The following AGPAT3 variants were observed in gnomAD, a reference collection of about 807,000 sequenced individuals.
AGPAT3 encodes 1-acyl-sn-glycerol-3-phosphate acyltransferase gamma.
A neutral mutation model predicts 47.3 loss-of-function variants in AGPAT3; 5 were observed. The ratio of observed to expected loss-of-function variants is 0.11; its 90% CI spans 0.06 to 0.22. The LOEUF (loss-of-function observed/expected upper bound fraction) is 0.22, where lower values mean the gene tolerates loss of function less well. Ranked by LOEUF, AGPAT3 falls within the 10% of genes least tolerant of loss-of-function variation. The pLI is 1.00. For synonymous variants in AGPAT3, 212 were observed against 208.3 expected, an observed-to-expected ratio of 1.02 and a Z score of -0.15; for missense variants, 315 against 493.0, an observed-to-expected ratio of 0.64 and a Z score of 3.42.
chr21:43,894,217 C>CTTTTTTTTTTT (rs11370715), intron 1 of AGPAT3, among the ~76,000 whole-genome samples: 1 of 140,230 alleles, frequency 7.1e-6, no homozygotes, highest in Non-Finnish European at 1.5e-5. Flanking sequence ...TTCTTTCTTT[C>CTTTTTTTTTTT]TTTTTTTTTT....
In AGPAT3 at chr21:43,969,204, G is replaced by T; in HGVS notation, c.435G>T (p.Lys145Asn). 1 of 1,614,250 alleles carries T rather than the reference G, an allele frequency of 6.2e-7. No individual in the cohort carries two copies. Among genetic ancestry groups the T allele is most frequent in the Non-Finnish European group, 8.5e-7 (1 of 1,180,040 alleles). ...TWYFLEIVFC[K>N]RKWEEDRDTV... ...ACTTTCTGGAGATTGTGTTCTGCAA[G>T]CGGAAGTGGGAGGAGGACCGGGACA... Residue 145 changes from lysine to asparagine, a missense_variant, in exon 5 of 10, where the codon AAG becomes AAT. Coordinates refer to ENST00000291572, the MANE Select transcript of AGPAT3 (RefSeq NM_020132.5).
chr21:43,928,754 C>T (rs1243827134), intron 2 of AGPAT3, among the ~76,000 whole-genome samples: 3 of 152,220 alleles, frequency 2.0e-5, no homozygotes, highest in African/African-American at 7.2e-5. Context: ...CTGGAGACGT[C>T]ATCGGATTTA....
Position 43,982,586 on chromosome 21 carries a change from A to G in AGPAT3, c.*194A>G. ...TGAAGTCTTCAGCCTCCCACAGCGCAGGGTCCCAGCATCTCCACGCGCGCC... is the reference window on the plus strand; with the variant it reads ...TGAAGTCTTCAGCCTCCCACAGCGCGGGGTCCCAGCATCTCCACGCGCGCC... On this transcript the variant is annotated 3_prime_UTR_variant, in exon 10 of 10. Coordinates refer to ENST00000291572, the MANE Select transcript of AGPAT3 (RefSeq NM_020132.5). This position sits in a 1 kb window ranked among gnomAD's most constrained non-coding sequence, Gnocchi z 6.2. The G allele has an allele frequency of 2.0e-6, 1 of 506,300 alleles. No homozygotes were observed. The highest frequency in any genetic ancestry group is 3.5e-6 in the Non-Finnish European group (1 of 283,614). The allele number at this position is 506,300 out of a possible 1,614,324, so 31.4% of individuals were successfully genotyped here.
At chr21:43,958,888 T>TTTGCA (rs2088642058) in intron 2 of AGPAT3, among the ~76,000 whole-genome samples, 1 of 130,518 alleles carries the variant, frequency 7.7e-6, no homozygotes, top group African/African-American at 3.0e-5. Flanking sequence ...GTGTGTATGG[T>TTTGCA]GTGTGTGTGG....
Position 43,955,967 on chromosome 21 carries a change from G to A in AGPAT3, c.-48-3667G>A, listed in dbSNP as rs2088437435. On this transcript the variant is annotated intron_variant, in intron 2 of 9. Coordinates refer to ENST00000291572, the MANE Select transcript of AGPAT3 (RefSeq NM_020132.5). This position sits in a 1 kb window ranked among gnomAD's most constrained non-coding sequence, Gnocchi z 4.1. The stretch of plus-strand genomic sequence containing the variant: ...GCAACGGAATCAGCAGGTCTGCTGT[G>A]GAGCCCGGGCATCTGCTTCTCGGAG... Among the ~76,000 whole-genome samples, 2 of 152,036 alleles carry A rather than the reference G, an allele frequency of 1.3e-5. No individual in the cohort carries two copies. The highest frequency in any genetic ancestry group is 1.3e-4 in the Admixed American group (2 of 15,268).
chr21:43,939,652 C>T lies in AGPAT3; in HGVS notation c.-48-19982C>T, dbSNP rs2087585916. ...CTGTTGAGCCCACAGCCATGCCCCA[C>T]ATGCAGGACGTTTGCCTATCACTTG... On this transcript the variant is annotated intron_variant, in intron 2 of 9. Transcript: ENST00000291572. This position sits in a 1 kb window ranked among gnomAD's most constrained non-coding sequence, Gnocchi z 4.4. Among the ~76,000 whole-genome samples the T allele has an allele frequency of 6.6e-6, 1 of 152,204 alleles. No homozygotes were observed. The highest frequency in any genetic ancestry group is 6.5e-5 in the Admixed American group (1 of 15,288).
intron 1 of AGPAT3, among the ~76,000 whole-genome samples, chr21:43,891,551 T>G (rs1198541412): frequency 6.6e-6 from 1 of 151,252 alleles, no homozygotes; most frequent in Admixed American, 6.6e-5. Context: ...GAGAATGGCG[T>G]GAACCCGGGA....
At chr21:43,901,037 C>T (rs1019409773) in intron 1 of AGPAT3, among the ~76,000 whole-genome samples, 2 of 152,140 alleles carry the variant, frequency 1.3e-5, no homozygotes, top group African/African-American at 2.4e-5. Context: ...CACTGTAGCC[C>T]CCACCTGCAA....
At chr21:43,966,250 T>C (rs1411488163) in intron 3 of AGPAT3, 1 of 152,314 alleles carries the variant, frequency 6.6e-6, no homozygotes, top group Non-Finnish European at 1.5e-5. Context: ...AGAACACTCA[T>C]GGGGAGTGTG....
At position 43,904,039 on chromosome 21, in the gene AGPAT3, G is replaced by GC. The variant is rs1051299615; in HGVS notation, c.-49+22dup. On this transcript the variant is annotated intron_variant, in intron 2 of 9. Coordinates refer to ENST00000291572, the MANE Select transcript of AGPAT3 (RefSeq NM_020132.5). ...GCCTTGGTAAGTGGGCAGTGAGGCC[G>GC]CCTGACGCAGGGCGCCGTGTGTGAG... 3 of 151,954 alleles carry GC rather than the reference G, an allele frequency of 2.0e-5. No homozygotes were observed. Among genetic ancestry groups the GC allele is most frequent in the Non-Finnish European group, 4.4e-5 (3 of 68,310 alleles). 9.4% of individuals were successfully genotyped at this position (151,954 alleles called of 1,614,324 possible).
intron 7 of AGPAT3, 146 bp from the exon 8 acceptor site, chr21:43,977,894 AAAAAAG>A: frequency 4.9e-6 from 3 of 616,896 alleles, no homozygotes; most frequent in South Asian, 2.1e-5. Context: ...TCAAAAAAAA[AAAAAAG>A]AAAAGAAAAG....
Position 43,981,290 on chromosome 21 carries a change from G to C in AGPAT3, c.1042+103G>C. ...TCATCACAGTGGCTGTGGGAGGCAGGGGCCTGGCTGTTATGGACCCTGGAG... is the reference window on the plus strand; with the variant it reads ...TCATCACAGTGGCTGTGGGAGGCAGCGGCCTGGCTGTTATGGACCCTGGAG... On this transcript the variant is annotated intron_variant, in intron 9 of 9. Transcript: ENST00000291572. The surrounding 1 kb of genome is among the most constrained non-coding windows in gnomAD (Gnocchi z 5.3). The C allele has an allele frequency of 2.3e-6, 3 of 1,299,226 alleles. No homozygotes were observed. The highest frequency in any genetic ancestry group is 3.3e-6 in the Non-Finnish European group (3 of 912,678). The allele number at this position is 1,299,226 out of a possible 1,614,324, so 80.5% of individuals were successfully genotyped here.
chr21:43,910,837 A>G (rs1158978801), intron 2 of AGPAT3, among the ~76,000 whole-genome samples: 1 of 152,168 alleles, frequency 6.6e-6, no homozygotes, highest in Non-Finnish European at 1.5e-5. Flanking sequence ...ACAAGGCTGT[A>G]CTGTTCCAAC....
At chr21:43,872,941 T>C (rs2085652847) in intron 1 of AGPAT3, among the ~76,000 whole-genome samples, 1 of 152,214 alleles carries the variant, frequency 6.6e-6, no homozygotes, top group African/African-American at 2.4e-5. Context: ...TCCACTGTCA[T>C]GGGTCACCGG....
chr21:43,901,634 C>T (rs996228541), intron 1 of AGPAT3, among the ~76,000 whole-genome samples: 7 of 151,944 alleles, frequency 4.6e-5, no homozygotes, highest in Non-Finnish European at 7.4e-5. Flanking sequence ...ATTAGCTGGG[C>T]GTGGTGGTGC....
At chr21:43,876,641 A>G (rs2085739659) in intron 1 of AGPAT3, among the ~76,000 whole-genome samples, 1 of 152,198 alleles carries the variant, frequency 6.6e-6, no homozygotes, top group Non-Finnish European at 1.5e-5. Flanking sequence ...AATCCTGATG[A>G]GTGAAACCGT....
At position 43,981,226 on chromosome 21, in the gene AGPAT3, G is replaced by T; in HGVS notation, c.1042+39G>T. 6.2e-7 allele frequency: 1 copy of T among 1,604,402 alleles called. No individual in the cohort carries two copies. On this transcript the variant is annotated intron_variant, in intron 9 of 9. Transcript: ENST00000291572. This position sits in a 1 kb window ranked among gnomAD's most constrained non-coding sequence, Gnocchi z 5.3. ...TCGCTAACAGCTCACACTCTGACGG[G>T]CCTCACAGTATCAGCCACAGGGTCC...
intron 2 of AGPAT3, among the ~76,000 whole-genome samples, chr21:43,931,426 G>A (rs1011390854): frequency 1.3e-5 from 2 of 152,134 alleles, no homozygotes; most frequent in Admixed American, 6.5e-5. Context: ...CAACATACTC[G>A]GTTCTTCTCT....
chr21:43,937,985 A>G (rs2087504182), intron 2 of AGPAT3, among the ~76,000 whole-genome samples: 1 of 152,066 alleles, frequency 6.6e-6, no homozygotes, highest in African/African-American at 2.4e-5. Flanking sequence ...GTGCTGGACC[A>G]AGGAAGTTGT....
Sources: gnomAD v4.1 joint callset for allele counts (sites outside exome capture counted in the v4.1 genomes callset) on GRCh38, gnomAD v4.1.1 for gene constraint, Gnocchi (gnomAD v3.1) non-coding constraint, MANE v1.5 for transcripts, NCBI Gene and HGNC (gene_info 2026-07-23, HGNC 2026-07-21) for gene names.